SORCS3: variants seen among roughly 807,000 people sequenced by gnomAD.
The protein encoded by SORCS3 is VPS10 domain-containing receptor SorCS3.
A neutral mutation model predicts 146.3 loss-of-function variants in SORCS3; 57 were observed. The observed-to-expected ratio is 0.39, with a 90% CI of 0.31 to 0.49. SORCS3 has a LOEUF of 0.49. Ranked by LOEUF, SORCS3 falls within the 20% of genes least tolerant of loss-of-function variation. The pLI is 0.92. For synonymous variants in SORCS3, 653 were observed against 618.5 expected (o/e 1.06, Z -0.83); for missense variants, 1,341 against 1,575.5 (o/e 0.85, Z 2.52).
At chr10:105,079,574 T>A (rs958627368) in intron 5 of SORCS3, among the ~76,000 whole-genome samples, 4 of 152,230 alleles carry the variant, frequency 2.6e-5, no homozygotes, top group Non-Finnish European at 5.9e-5. Flanking sequence ...TTTATTTTTT[T>A]AAACTTTTAT....
chr10:105,074,841 C>G lies in SORCS3; in HGVS notation c.1029-14934C>G, dbSNP rs2055578926. Among the ~76,000 whole-genome samples, 3 of 152,148 alleles carry G rather than the reference C, an allele frequency of 2.0e-5. No individual in the cohort carries two copies. In the South Asian group the frequency reaches 6.2e-4, roughly 32 times the overall value. On this transcript the variant is annotated intron_variant, in intron 5 of 26. Coordinates refer to ENST00000369701, the MANE Select transcript of SORCS3 (RefSeq NM_014978.3). The stretch of plus-strand genomic sequence containing the variant: ...AATATCATGTACCAAAATGCATGCC[C>G]CTAGCAGTCCCGAGGCAAAGACTAG...
chr10:104,929,972 C>A (rs2019190345), intron 3 of SORCS3, among the ~76,000 whole-genome samples: 1 of 152,042 alleles, frequency 6.6e-6, no homozygotes, highest in South Asian at 2.1e-4. Context: ...AGTGACTGAT[C>A]CTAAAGAAAT....
At chr10:105,177,248 A>C (rs976412222) in intron 13 of SORCS3, among the ~76,000 whole-genome samples, 1 of 152,158 alleles carries the variant, frequency 6.6e-6, no homozygotes, top group African/African-American at 2.4e-5. Context: ...AACAAAAATG[A>C]ACCTATGATA....
intron 1 of SORCS3, among the ~76,000 whole-genome samples, chr10:104,741,134 A>ATTT (rs34447542): frequency 1.8e-3 from 193 of 104,858 alleles, no homozygotes; most frequent in South Asian, 3.8e-3. Context: ...GATAATTTAA[A>ATTT]TTTTTTTTTT....
At chr10:104,651,888 G>A (rs1475762) in intron 1 of SORCS3, among the ~76,000 whole-genome samples, 38,751 of 151,936 alleles carry the variant, frequency 0.26, 5,096 homozygotes, top group South Asian at 0.33. Context: ...GAGTCAAGGA[G>A]TTAATGCCTG....
intron 1 of SORCS3, among the ~76,000 whole-genome samples, chr10:104,768,824 T>A (rs1273798239): frequency 6.6e-6 from 1 of 152,100 alleles, no homozygotes; most frequent in Non-Finnish European, 1.5e-5. Flanking sequence ...GACACTGGAG[T>A]GACCTGTCAT....
intron 5 of SORCS3, among the ~76,000 whole-genome samples, chr10:105,058,267 A>G (rs2055459465): frequency 6.6e-6 from 1 of 152,188 alleles, no homozygotes; most frequent in African/African-American, 2.4e-5. Flanking sequence ...ATTGTCAATG[A>G]GTGGGCTAAA....
intron 2 of SORCS3, among the ~76,000 whole-genome samples, chr10:104,906,113 C>A (rs1001772007): frequency 1.3e-5 from 2 of 152,028 alleles, no homozygotes; most frequent in African/African-American, 4.8e-5. Flanking sequence ...CACAGGGCCC[C>A]GACTGGCTCT....
intron 1 of SORCS3, among the ~76,000 whole-genome samples, chr10:104,794,788 G>A (rs2017534567): frequency 6.6e-6 from 1 of 152,164 alleles, no homozygotes; most frequent in Non-Finnish European, 1.5e-5. Flanking sequence ...GATTTAGGAG[G>A]AAGCACATCA....
At chr10:105,155,674 G>A (rs979677962) in intron 9 of SORCS3, among the ~76,000 whole-genome samples, 2 of 152,208 alleles carry the variant, frequency 1.3e-5, no homozygotes, top group African/African-American at 4.8e-5. Flanking sequence ...TGTCCTTCCT[G>A]AAATGGCCCT....
At chr10:105,253,627 A>G (rs962905474) in intron 23 of SORCS3, among the ~76,000 whole-genome samples, 1 of 152,204 alleles carries the variant, frequency 6.6e-6, no homozygotes. Context: ...TGCAATAGAA[A>G]TAAGTGAGCA....
rs533223828 is a variant in SORCS3, at chr10:105,241,667, A to G, written c.2869-3875A>G. 1.5e-4 allele frequency among the ~76,000 whole-genome samples: 23 copies of G among 152,242 alleles called. No individual in the cohort carries two copies. In the South Asian group the frequency reaches 4.8e-3, roughly 32 times the overall value. ...CTGAGCAATGAAAACAGCTCTCAGC[A>G]GAGAGGGGAGCTGGAGAGGGGACAA... On this transcript the variant is annotated intron_variant, in intron 20 of 26. Transcript: ENST00000369701.
intron 1 of SORCS3, among the ~76,000 whole-genome samples, chr10:104,649,678 T>C (rs2015536073): frequency 1.3e-5 from 2 of 152,184 alleles, no homozygotes; most frequent in Admixed American, 1.3e-4. Context: ...AAGTAGACAT[T>C]GAAAAGGATC....
chr10:104,932,957 C>T (rs954958097), intron 3 of SORCS3, among the ~76,000 whole-genome samples: 17 of 152,116 alleles, frequency 1.1e-4, no homozygotes, highest in Admixed American at 3.3e-4. Flanking sequence ...TCTTGAACTC[C>T]TGGCTTCAAA....
intron 6 of SORCS3, among the ~76,000 whole-genome samples, chr10:105,098,224 G>T (rs1048577259): frequency 6.6e-6 from 1 of 152,154 alleles, no homozygotes; most frequent in Non-Finnish European, 1.5e-5. Flanking sequence ...AGGACAAAGT[G>T]GGGGCTAAAG....
At chr10:104,886,576 A>ATCTG (rs1399392981) in intron 2 of SORCS3, among the ~76,000 whole-genome samples, 3 of 151,732 alleles carry the variant, frequency 2.0e-5, no homozygotes, top group African/African-American at 7.3e-5. Context: ...CTATCTATCT[A>ATCTG]TCTATCTATC....
intron 2 of SORCS3, among the ~76,000 whole-genome samples, chr10:104,874,997 T>C (rs1023605914): frequency 2.0e-5 from 3 of 152,192 alleles, no homozygotes; most frequent in Non-Finnish European, 2.9e-5. Context: ...TTATCCAGTT[T>C]TCTTACACTC....
chr10:105,098,654 A>G (rs539854046), intron 6 of SORCS3, among the ~76,000 whole-genome samples: 11 of 152,350 alleles, frequency 7.2e-5, no homozygotes, highest in Non-Finnish European at 1.2e-4. Flanking sequence ...GGAAATGATA[A>G]TAATTGTAAC....
chr10:104,781,123 T>C (rs2017369446), intron 1 of SORCS3, among the ~76,000 whole-genome samples: 1 of 152,218 alleles, frequency 6.6e-6, no homozygotes, highest in Non-Finnish European at 1.5e-5. Context: ...TAGGCAGGTG[T>C]AGTAGTAATG....
Sources: gnomAD v4.1 joint callset for allele counts (sites outside exome capture counted in the v4.1 genomes callset) on GRCh38, gnomAD v4.1.1 for gene constraint, MANE v1.5 for transcripts, NCBI Gene and HGNC (gene_info 2026-07-23, HGNC 2026-07-21) for gene names.